Variants in CDKAL1 observed in about 807,000 individuals in gnomAD.
The protein encoded by CDKAL1 is threonylcarbamoyladenosine tRNA methylthiotransferase.
Under a neutral mutation model 68.2 loss-of-function variants are expected in CDKAL1, and 32 were observed. That is an observed-to-expected ratio of 0.47 (90% CI 0.35 to 0.63). The LOEUF is 0.63. Ranked by LOEUF, CDKAL1 falls within the 30% of genes least tolerant of loss-of-function variation. The pLI, the probability that CDKAL1 is intolerant of heterozygous loss-of-function variation, is 0.00. For missense variants in CDKAL1, 606 were observed against 696.7 expected (o/e 0.87, Z 1.47); for synonymous variants, 234 against 244.3 (o/e 0.96, Z 0.39).
chr6:20,740,319 T>C (rs568059084), intron 6 of CDKAL1, among the ~76,000 whole-genome samples: 2 of 152,334 alleles, frequency 1.3e-5, no homozygotes, highest in African/African-American at 4.8e-5. Flanking sequence ...GTTGTTAGCA[T>C]ACTTTTTTTT....
chr6:21,000,659 A>G (rs1767380959), intron 11 of CDKAL1, among the ~76,000 whole-genome samples: 1 of 152,186 alleles, frequency 6.6e-6, no homozygotes, highest in Non-Finnish European at 1.5e-5. Flanking sequence ...GACCTGGTGG[A>G]TGAAAACTGC....
chr6:20,721,164 A>C (rs2127844821), intron 5 of CDKAL1, among the ~76,000 whole-genome samples: 1 of 123,096 alleles, frequency 8.1e-6, no homozygotes, highest in East Asian at 2.7e-4. Context: ...CCCTGTGTCC[A>C]AGTGTTCTCA....
At position 20,729,627 on chromosome 6, in the gene CDKAL1, C is replaced by T. The variant is rs1016833455; in HGVS notation, c.372-9892C>T. Among the ~76,000 whole-genome samples the T allele has an allele frequency of 4.6e-5, 7 of 152,282 alleles. No homozygotes were observed. The East Asian group carries it at 5.8e-4, about 13-fold the overall frequency. On this transcript the variant is annotated intron_variant, in intron 5 of 15. Coordinates refer to ENST00000274695, the MANE Select transcript of CDKAL1 (RefSeq NM_017774.3). ...TTCACATATTAACATTTAACCCTCACGACAACCTCATGAGGTAGGAAATTC... is the reference window on the plus strand; with the variant it reads ...TTCACATATTAACATTTAACCCTCATGACAACCTCATGAGGTAGGAAATTC...
At chr6:20,992,484 G>T (rs1766882112) in intron 10 of CDKAL1, among the ~76,000 whole-genome samples, 1 of 152,024 alleles carries the variant, frequency 6.6e-6, no homozygotes, top group Non-Finnish European at 1.5e-5. Context: ...AGGAAATGTG[G>T]GTGAAACTTG....
At chr6:21,090,519 TC>T (rs368705121) in intron 12 of CDKAL1, among the ~76,000 whole-genome samples, 27 of 152,228 alleles carry the variant, frequency 1.8e-4, no homozygotes, top group African/African-American at 4.6e-4. Context: ...CTTTCATAAT[TC>T]CCTTTGCTGA....
chr6:21,159,189 T>A (rs1303149291), intron 13 of CDKAL1, among the ~76,000 whole-genome samples: 2 of 151,926 alleles, frequency 1.3e-5, no homozygotes, highest in Non-Finnish European at 2.9e-5. Flanking sequence ...AAAATGAGTG[T>A]AATAGAGTTG....
intron 9 of CDKAL1, among the ~76,000 whole-genome samples, chr6:20,909,879 G>C (rs1023152834): frequency 6.6e-6 from 1 of 152,048 alleles, no homozygotes; most frequent in African/African-American, 2.4e-5. Flanking sequence ...GAGTTTAGCG[G>C]GTTTGCACCT....
intron 13 of CDKAL1, among the ~76,000 whole-genome samples, chr6:21,173,812 G>A (rs1777480784): frequency 6.6e-6 from 1 of 152,196 alleles, no homozygotes; most frequent in South Asian, 2.1e-4. Flanking sequence ...ACTCATGCCT[G>A]TCATCCCAAC....
chr6:20,541,765 A>G (rs774016658), intron 2 of CDKAL1, among the ~76,000 whole-genome samples: 6 of 152,132 alleles, frequency 3.9e-5, no homozygotes, highest in African/African-American at 9.7e-5. Context: ...GGTTCAAGCA[A>G]TTCTCCTGTC....
chr6:20,808,838 C>G (rs557974622), intron 8 of CDKAL1, among the ~76,000 whole-genome samples: 2 of 152,114 alleles, frequency 1.3e-5, no homozygotes, highest in Non-Finnish European at 2.9e-5. Flanking sequence ...TGAAACAAGG[C>G]TGATTTTTCA....
chr6:20,811,829 G>A (rs368192559), intron 8 of CDKAL1, among the ~76,000 whole-genome samples: 2 of 150,332 alleles, frequency 1.3e-5, no homozygotes, highest in African/African-American at 4.9e-5. Flanking sequence ...TCAATTAGGG[G>A]CAGACAAACA....
intron 5 of CDKAL1, 57 bp from the exon 6 acceptor site, chr6:20,739,462 T>C: frequency 2.8e-6 from 3 of 1,081,970 alleles, no homozygotes; most frequent in Non-Finnish European, 4.2e-6. Flanking sequence ...AACAACAGTT[T>C]CCAAGAGTAT....
chr6:21,033,758 T>C (rs1236916465), intron 11 of CDKAL1, among the ~76,000 whole-genome samples: 1 of 152,174 alleles, frequency 6.6e-6, no homozygotes, highest in Non-Finnish European at 1.5e-5. Flanking sequence ...GCCATAGCCC[T>C]GGAAGCTGGC....
At chr6:20,920,354 C>T (rs1231247717) in intron 9 of CDKAL1, among the ~76,000 whole-genome samples, 1 of 152,064 alleles carries the variant, frequency 6.6e-6, no homozygotes, top group Non-Finnish European at 1.5e-5. Flanking sequence ...AATAGGAGCC[C>T]ACCATAGGAA....
intron 11 of CDKAL1, among the ~76,000 whole-genome samples, chr6:21,010,774 G>T (rs1432528885): frequency 6.6e-6 from 1 of 152,140 alleles, no homozygotes; most frequent in South Asian, 2.1e-4. Context: ...TTAAAAGGCT[G>T]AATCTCAGAT....
intron 13 of CDKAL1, among the ~76,000 whole-genome samples, chr6:21,163,834 T>G (rs552731111): frequency 6.6e-6 from 1 of 152,024 alleles, no homozygotes. Context: ...TCCTGTAATC[T>G]CAGCTACTTG....
intron 13 of CDKAL1, among the ~76,000 whole-genome samples, chr6:21,150,395 T>C (rs770921928): frequency 1.3e-5 from 2 of 152,164 alleles, no homozygotes; most frequent in African/African-American, 2.4e-5. Flanking sequence ...CTTGCTTCCA[T>C]GGCCATTTCC....
At chr6:20,885,569 G>A (rs1265994711) in intron 9 of CDKAL1, among the ~76,000 whole-genome samples, 1 of 151,916 alleles carries the variant, frequency 6.6e-6, no homozygotes, top group South Asian at 2.1e-4. Flanking sequence ...AAAACACAGG[G>A]GTAAATCTTT....
At position 20,614,780 on chromosome 6, in the gene CDKAL1, CT is replaced by C. The variant is rs1360345269; in HGVS notation, c.287-34506del. 2.6e-5 allele frequency among the ~76,000 whole-genome samples: 4 copies of C among 152,140 alleles called. No individual in the cohort carries two copies. The East Asian group carries it at 7.7e-4, about 29-fold the overall frequency. ...TTTCAAAAGATAATCAAATATTTGACTTTTTTTGTTTATTATACTTTAAGTT... is the reference window on the plus strand; with the variant it reads ...TTTCAAAAGATAATCAAATATTTGACTTTTTTGTTTATTATACTTTAAGTT... On this transcript the variant is annotated intron_variant, in intron 4 of 15. Transcript: ENST00000274695.
Sources: allele counts gnomAD v4.1 joint callset (sites outside exome capture counted in the v4.1 genomes callset), GRCh38; gene constraint gnomAD v4.1.1; transcripts MANE v1.5; gene names NCBI Gene and HGNC (gene_info 2026-07-23, HGNC 2026-07-21).